Variants in ABAT observed in about 807,000 individuals in gnomAD.
The protein encoded by ABAT is 4-aminobutyrate aminotransferase, also known as 4-aminobutyrate aminotransferase, mitochondrial.
Under a neutral mutation model 64.6 loss-of-function variants are expected in ABAT, and 45 were observed. That is an observed-to-expected ratio of 0.70 (90% CI 0.55 to 0.89). The LOEUF (loss-of-function observed/expected upper bound fraction) is 0.89, where lower values mean the gene tolerates loss of function less well. ABAT is among the 40% of genes least tolerant of loss of function. The probability of loss-of-function intolerance (pLI) is 0.00; values close to 1 mark genes in which losing one functional copy is unlikely to be tolerated. For synonymous variants in ABAT, 297 were observed against 250.5 expected, an observed-to-expected ratio of 1.19 and a Z score of -1.75; for missense variants, 633 against 658.4, an observed-to-expected ratio of 0.96 and a Z score of 0.42.
At chr16:8,734,826 G>A (rs1640996) in intron 1 of ABAT, among the ~76,000 whole-genome samples, 135,347 of 152,126 alleles carry the variant, frequency 0.89, 60,296 homozygotes, top group Middle Eastern at 0.93. Context: ...CATTTAAATG[G>A]TGTTCTGGGG....
chr16:8,704,438 T>C (rs529499517), intron 1 of ABAT, among the ~76,000 whole-genome samples: 1 of 152,352 alleles, frequency 6.6e-6, no homozygotes, highest in East Asian at 1.9e-4. Flanking sequence ...TTGAGAATGC[T>C]AGAGAGACTT....
chr16:8,699,983 A>ATTT (rs143434735), intron 1 of ABAT, among the ~76,000 whole-genome samples: 2 of 150,528 alleles, frequency 1.3e-5, no homozygotes, highest in African/African-American at 4.9e-5. Flanking sequence ...TAATTTTTGT[A>ATTT]TTTTTTTTTG....
intron 12 of ABAT, 63 bp from the exon 13 acceptor site, chr16:8,774,827 A>G (rs1269505199): frequency 3.7e-6 from 6 of 1,601,656 alleles, no homozygotes; most frequent in Non-Finnish European, 5.1e-6. Flanking sequence ...CTGGCTATGG[A>G]GGGCATGAAT....
chr16:8,733,388 TG>T (rs2058812935), intron 1 of ABAT, among the ~76,000 whole-genome samples: 1 of 129,924 alleles, frequency 7.7e-6, no homozygotes, highest in Admixed American at 7.6e-5. Context: ...TCCCAGACGA[TG>T]GGCGGCCAGG....
At chr16:8,696,179 C>G (rs1044158853) in intron 1 of ABAT, among the ~76,000 whole-genome samples, 1 of 152,188 alleles carries the variant, frequency 6.6e-6, no homozygotes, top group Admixed American at 6.5e-5. Flanking sequence ...GCCCCATTAC[C>G]TCTGTAATCC....
At chr16:8,769,386 G>T (rs1273408) in intron 11 of ABAT, among the ~76,000 whole-genome samples, 2 of 151,556 alleles carry the variant, frequency 1.3e-5, no homozygotes, top group Non-Finnish European at 2.9e-5. Context: ...GGCCAACATG[G>T]TGAAACCCCA....
intron 15 of ABAT, 64 bp downstream of exon 15, chr16:8,779,654 C>A: frequency 7.3e-7 from 1 of 1,361,102 alleles, no homozygotes; most frequent in East Asian, 2.3e-5. Flanking sequence ...GTAGCTGCCA[C>A]ATGTTGCTAG....
chr16:8,687,294 G>A (rs2057477268), intron 1 of ABAT, among the ~76,000 whole-genome samples: 1 of 152,196 alleles, frequency 6.6e-6, no homozygotes, highest in South Asian at 2.1e-4. Flanking sequence ...GGAGGCTGAG[G>A]CGGGCGAATC....
At chr16:8,706,317 G>T (rs2057941687) in intron 1 of ABAT, among the ~76,000 whole-genome samples, 1 of 148,388 alleles carries the variant, frequency 6.7e-6, no homozygotes, top group Non-Finnish European at 1.5e-5. Flanking sequence ...GAGGTGGGAG[G>T]ATCACCTGAG....
intron 1 of ABAT, among the ~76,000 whole-genome samples, chr16:8,734,772 T>A (rs1399360550): frequency 6.6e-6 from 1 of 151,572 alleles, no homozygotes; most frequent in African/African-American, 2.4e-5. Flanking sequence ...ACAAAACAGG[T>A]TTTTAGCAGA....
intron 5 of ABAT, 138 bp from the exon 6 acceptor site, chr16:8,757,619 C>A: frequency 5.1e-6 from 5 of 970,944 alleles, no homozygotes; most frequent in Non-Finnish European, 8.0e-6. Context: ...CTCTTTTTGT[C>A]AACAAAGGAT....
At chr16:8,683,175 G>A (rs1050565957) in intron 1 of ABAT, 1 of 152,198 alleles carries the variant, frequency 6.6e-6, no homozygotes, top group East Asian at 1.9e-4. Context: ...AAGGTCACAC[G>A]ATGACCATGA....
chr16:8,773,825 T>C (rs891641136), intron 12 of ABAT, among the ~76,000 whole-genome samples: 2 of 152,278 alleles, frequency 1.3e-5, no homozygotes, highest in Non-Finnish European at 2.9e-5. Context: ...GTGTGGCTTA[T>C]GTCACTTAAC....
intron 11 of ABAT, among the ~76,000 whole-genome samples, chr16:8,770,427 G>T (rs762331163): frequency 6.6e-6 from 1 of 151,584 alleles, no homozygotes; most frequent in East Asian, 1.9e-4. Context: ...GTGAGCCACC[G>T]CGCCGGCCTT....
chr16:8,684,881 A>G (rs1386472680), intron 1 of ABAT, among the ~76,000 whole-genome samples: 1 of 152,232 alleles, frequency 6.6e-6, no homozygotes, highest in Non-Finnish European at 1.5e-5. Context: ...TAAAGAGTAA[A>G]GGGAGGTCTA....
intron 1 of ABAT, among the ~76,000 whole-genome samples, chr16:8,726,081 C>G (rs190418344): frequency 1.8e-3 from 279 of 152,154 alleles, no homozygotes; most frequent in African/African-American, 6.5e-3. Context: ...TTCAACCCGC[C>G]ACTACCCTTC....
intron 1 of ABAT, among the ~76,000 whole-genome samples, chr16:8,675,876 G>T (rs552972625): frequency 6.6e-6 from 1 of 152,170 alleles, no homozygotes; most frequent in Admixed American, 6.5e-5. Flanking sequence ...CCCCCCTAAA[G>T]TGTGCACCCC....
chr16:8,746,263 C>T (rs1046688714), intron 3 of ABAT, among the ~76,000 whole-genome samples, 165 bp downstream of exon 3: 3 of 152,038 alleles, frequency 2.0e-5, no homozygotes, highest in African/African-American at 7.2e-5. Flanking sequence ...CCATACAAAG[C>T]CAAAGAAGGG....
At position 8,776,609 on chromosome 16, in the gene ABAT, G is replaced by A. The variant is rs905989508; in HGVS notation, c.1269+119G>A. ...CTGCTGTTCCAGCAGTTCGTAACGG[G>A]CTGTGCTGCTCCTAGCCTTGGGGGC... On this transcript the variant is annotated intron_variant, in intron 14 of 15. Coordinates refer to ENST00000268251, the MANE Select transcript of ABAT (RefSeq NM_020686.6). The surrounding 1 kb of genome is among the most constrained non-coding windows in gnomAD (Gnocchi z 4.4). The A allele has an allele frequency of 9.0e-7, 1 of 1,106,162 alleles. No homozygotes were observed. The highest frequency in any genetic ancestry group is 1.5e-5 in the African/African-American group (1 of 64,588). The allele number at this position is 1,106,162 out of a possible 1,614,324, so 68.5% of individuals were successfully genotyped here.
Sources: gnomAD v4.1 joint callset for allele counts (sites outside exome capture counted in the v4.1 genomes callset) on GRCh38, gnomAD v4.1.1 for gene constraint, Gnocchi (gnomAD v3.1) non-coding constraint, MANE v1.5 for transcripts, NCBI Gene and HGNC (gene_info 2026-07-23, HGNC 2026-07-21) for gene names.